THSD7A: variants seen among roughly 807,000 people sequenced by gnomAD.
THSD7A encodes thrombospondin type 1 domain containing 7A, also known as thrombospondin type-1 domain-containing protein 7A.
THSD7A carries 96 observed loss-of-function variants against 231.3 expected under a neutral mutation model. The observed-to-expected ratio is 0.41, with a 90% CI of 0.35 to 0.49. THSD7A has a LOEUF of 0.49. THSD7A is among the 20% of genes least tolerant of loss of function. The pLI is 0.05. For synonymous variants in THSD7A, 940 were observed against 743.3 expected, an observed-to-expected ratio of 1.26 and a Z score of -4.30; for missense variants, 2,290 against 2,070.2, an observed-to-expected ratio of 1.11 and a Z score of -2.06.
intron 1 of THSD7A, among the ~76,000 whole-genome samples, chr7:11,822,289 A>G (rs1008726854): frequency 1.3e-5 from 2 of 152,120 alleles, no homozygotes; most frequent in Non-Finnish European, 2.9e-5. Flanking sequence ...ATGAATCAGA[A>G]TATGTGATAT....
chr7:11,434,396 G>C (rs1784568260), intron 13 of THSD7A, among the ~76,000 whole-genome samples: 1 of 152,102 alleles, frequency 6.6e-6, no homozygotes, highest in South Asian at 2.1e-4. Context: ...CAGGCTTAAA[G>C]TGGCAACTGG....
chr7:11,722,001 G>A (rs2128153411), intron 1 of THSD7A, among the ~76,000 whole-genome samples: 1 of 151,728 alleles, frequency 6.6e-6, no homozygotes, highest in African/African-American at 2.4e-5. Flanking sequence ...CATCCTCTTG[G>A]TCTGGTTAGT....
At chr7:11,477,961 C>A (rs1301312208) in intron 7 of THSD7A, among the ~76,000 whole-genome samples, 1 of 152,108 alleles carries the variant, frequency 6.6e-6, no homozygotes, top group East Asian at 1.9e-4. Flanking sequence ...AAATTGAACA[C>A]CATGAATTCA....
intron 23 of THSD7A, among the ~76,000 whole-genome samples, chr7:11,392,909 T>A (rs1360747335): frequency 6.6e-6 from 1 of 152,100 alleles, no homozygotes; most frequent in Non-Finnish European, 1.5e-5. Flanking sequence ...CAAACTCCCA[T>A]CTCCCTGGGA....
chr7:11,726,262 T>C (rs1402975523), intron 1 of THSD7A, among the ~76,000 whole-genome samples: 1 of 151,982 alleles, frequency 6.6e-6, no homozygotes, highest in Non-Finnish European at 1.5e-5. Context: ...TTACTTTATA[T>C]TTCTAATAGA....
chr7:11,417,136 C>T (rs1164659963), intron 17 of THSD7A, among the ~76,000 whole-genome samples: 1 of 152,156 alleles, frequency 6.6e-6, no homozygotes, highest in East Asian at 1.9e-4. Flanking sequence ...TGGAGGGAAT[C>T]ATTATCACCA....
intron 1 of THSD7A, among the ~76,000 whole-genome samples, chr7:11,802,569 G>A (rs925199708): frequency 2.0e-5 from 3 of 152,154 alleles, no homozygotes; most frequent in Non-Finnish European, 2.9e-5. Flanking sequence ...GAGAGACAGA[G>A]GTTGAGTTAA....
At chr7:11,816,682 C>T (rs1195919339) in intron 1 of THSD7A, among the ~76,000 whole-genome samples, 3 of 151,876 alleles carry the variant, frequency 2.0e-5, no homozygotes, top group Non-Finnish European at 4.4e-5. Flanking sequence ...ATAAGCTTGG[C>T]ACAAAACTTT....
chr7:11,404,475 G>C (rs887086641), intron 22 of THSD7A, among the ~76,000 whole-genome samples: 1 of 152,184 alleles, frequency 6.6e-6, no homozygotes, highest in South Asian at 2.1e-4. Flanking sequence ...TTAGCCAAGG[G>C]TCACTTTTTG....
At chr7:11,663,879 C>T (rs1004776301) in intron 1 of THSD7A, among the ~76,000 whole-genome samples, 3 of 151,416 alleles carry the variant, frequency 2.0e-5, no homozygotes, top group African/African-American at 7.3e-5. Flanking sequence ...TTGAAAAGTG[C>T]TAATGGTAAA....
At chr7:11,473,341 G>C (rs550001497) in intron 8 of THSD7A, among the ~76,000 whole-genome samples, 163 of 152,182 alleles carry the variant, frequency 1.1e-3, no homozygotes, top group South Asian at 3.1e-3. Context: ...TGAGTGCTTA[G>C]ATTACTATTA....
intron 23 of THSD7A, among the ~76,000 whole-genome samples, chr7:11,387,399 T>A (rs779781172): frequency 3.3e-5 from 5 of 152,178 alleles, no homozygotes; most frequent in African/African-American, 4.8e-5. Flanking sequence ...GAGCAGTGGT[T>A]TGTAGTTCTC....
chr7:11,819,798 T>G (rs191611678), intron 1 of THSD7A, among the ~76,000 whole-genome samples: 3 of 152,186 alleles, frequency 2.0e-5, no homozygotes, highest in African/African-American at 7.2e-5. Context: ...GAGTGAATCC[T>G]AATGTAAACC....
chr7:11,810,690 T>C (rs892681582), intron 1 of THSD7A, among the ~76,000 whole-genome samples: 1 of 152,136 alleles, frequency 6.6e-6, no homozygotes, highest in Non-Finnish European at 1.5e-5. Context: ...CTTAATATGA[T>C]GTAACAAATA....
chr7:11,409,271 C>T (rs888120700), intron 19 of THSD7A, among the ~76,000 whole-genome samples: 2 of 152,112 alleles, frequency 1.3e-5, no homozygotes, highest in Non-Finnish European at 2.9e-5. Flanking sequence ...GATAACAATG[C>T]CATCTTTCTT....
At chr7:11,508,210 G>C (rs1373307130) in intron 6 of THSD7A, among the ~76,000 whole-genome samples, 1 of 152,118 alleles carries the variant, frequency 6.6e-6, no homozygotes, top group Non-Finnish European at 1.5e-5. Flanking sequence ...GAGGAGATTT[G>C]GGTGGAGACA....
intron 6 of THSD7A, among the ~76,000 whole-genome samples, chr7:11,515,778 G>A (rs1788007750): frequency 6.6e-6 from 1 of 151,968 alleles, no homozygotes; most frequent in Non-Finnish European, 1.5e-5. Flanking sequence ...TACATCTATG[G>A]CAATGATTTA....
intron 4 of THSD7A, among the ~76,000 whole-genome samples, chr7:11,589,191 C>T (rs1780049688): frequency 6.6e-6 from 1 of 152,090 alleles, no homozygotes; most frequent in Non-Finnish European, 1.5e-5. Context: ...TCAAATAGGG[C>T]CTTTATCCTT....
chr7:11,609,948 T>C (rs1471680020), intron 2 of THSD7A, among the ~76,000 whole-genome samples: 1 of 152,282 alleles, frequency 6.6e-6, no homozygotes, highest in South Asian at 2.1e-4. Context: ...TCTACATCTC[T>C]AAATTAGGGA....
Sources: allele counts gnomAD v4.1 joint callset (sites outside exome capture counted in the v4.1 genomes callset), GRCh38; gene constraint gnomAD v4.1.1; transcripts MANE v1.5; gene names NCBI Gene and HGNC (gene_info 2026-07-23, HGNC 2026-07-21).